ACYP2: variants seen among roughly 807,000 people sequenced by gnomAD.
ACYP2 encodes acylphosphatase-2.
In ACYP2, 12 loss-of-function variants were observed where a neutral mutation model predicts 11.2. The ratio of observed to expected loss-of-function variants is 1.08; its 90% CI spans 0.69 to 1.74. The LOEUF is 1.74. ACYP2 is among the 40% of genes most tolerant of loss of function. The pLI is 0.00. For missense variants in ACYP2, 134 were observed against 101.9 expected, an observed-to-expected ratio of 1.31 and a Z score of -1.35; for synonymous variants, 43 against 32.2, an observed-to-expected ratio of 1.33 and a Z score of -1.13.
intron 3 of ACYP2, among the ~76,000 whole-genome samples, chr2:54,056,648 T>C (rs892731843): frequency 6.6e-6 from 1 of 152,208 alleles, no homozygotes; most frequent in African/African-American, 2.4e-5. Context: ...GATAGTTCTG[T>C]TTTCAAATTA....
At chr2:54,153,836 G>T (rs374796354) in intron 6 of ACYP2, among the ~76,000 whole-genome samples, 2 of 152,006 alleles carry the variant, frequency 1.3e-5, no homozygotes, top group South Asian at 4.1e-4. Context: ...TCCTGACCTC[G>T]TGATCTGCCT....
At chr2:54,216,926 G>A (rs559556040) in intron 6 of ACYP2, among the ~76,000 whole-genome samples, 2 of 152,256 alleles carry the variant, frequency 1.3e-5, no homozygotes, top group South Asian at 2.1e-4. Flanking sequence ...TATTGTAAGT[G>A]GAAGCCCTTT....
intron 3 of ACYP2, chr2:54,051,654 T>A: frequency 1.4e-6 from 1 of 728,642 alleles, no homozygotes. Context: ...GCTGCGAAGT[T>A]GAAGGAAAAA....
intron 6 of ACYP2, among the ~76,000 whole-genome samples, chr2:54,165,382 G>A (rs757620354): frequency 1.3e-5 from 2 of 152,088 alleles, no homozygotes; most frequent in Non-Finnish European, 2.9e-5. Context: ...TTCATTGTTA[G>A]TTAGTACTTT....
At chr2:54,063,783 A>T (rs570089495) in intron 4 of ACYP2, among the ~76,000 whole-genome samples, 1 of 152,032 alleles carries the variant, frequency 6.6e-6, no homozygotes, top group Non-Finnish European at 1.5e-5. Flanking sequence ...GAACTCACCC[A>T]TGGGTGTGCC....
At chr2:54,001,992 A>G (rs1672825872) in intron 2 of ACYP2, among the ~76,000 whole-genome samples, 1 of 152,222 alleles carries the variant, frequency 6.6e-6, no homozygotes, top group South Asian at 2.1e-4. Flanking sequence ...CTATTAATGA[A>G]CCTACATTGA....
At chr2:54,046,981 A>G (rs1162193348) in intron 2 of ACYP2, among the ~76,000 whole-genome samples, 1 of 152,170 alleles carries the variant, frequency 6.6e-6, no homozygotes, top group African/African-American at 2.4e-5. Context: ...GATAGTGTCT[A>G]CCTCATAAGG....
In ACYP2 at chr2:54,284,348, A is replaced by G. The variant is rs549979879; in HGVS notation, c.405-20340A>G. ...CAACATACAGCCCCAGGCATCCACT[A>G]CCAGTCTATCTGAGGTGGCCCTCAA... is the stretch of plus-strand genomic sequence containing the variant. On this transcript the variant is annotated intron_variant, in intron 6 of 6. Transcript: ENST00000607452. Among the ~76,000 whole-genome samples the G allele has an allele frequency of 1.1e-3, 170 of 152,110 alleles. No homozygotes were observed. The Middle Eastern group carries it at 0.027, about 25-fold the overall frequency.
chr2:54,001,126 A>G (rs1672773479), intron 2 of ACYP2, among the ~76,000 whole-genome samples: 1 of 152,148 alleles, frequency 6.6e-6, no homozygotes, highest in Non-Finnish European at 1.5e-5. Flanking sequence ...AGGCTGAGGC[A>G]GGAGGATTGA....
At chr2:54,206,521 A>G (rs1685075322) in intron 6 of ACYP2, among the ~76,000 whole-genome samples, 1 of 152,200 alleles carries the variant, frequency 6.6e-6, no homozygotes, top group East Asian at 1.9e-4. Flanking sequence ...CGATATCTCT[A>G]TTGTGTTTGA....
At chr2:54,115,897 C>CG in intron 4 of ACYP2, 141 bp downstream of exon 1, 4 of 1,139,542 alleles carry the variant, frequency 3.5e-6, no homozygotes, top group Middle Eastern at 2.4e-4. Context: ...GCAGCGGCGG[C>CG]GGGGAGGGAG....
At chr2:54,265,551 G>A (rs1038172051) in intron 6 of ACYP2, among the ~76,000 whole-genome samples, 1 of 152,208 alleles carries the variant, frequency 6.6e-6, no homozygotes, top group African/African-American at 2.4e-5. Flanking sequence ...GAATACCAAG[G>A]AGAAAGGGGA....
At chr2:54,217,350 C>T (rs1191094314) in intron 6 of ACYP2, among the ~76,000 whole-genome samples, 1 of 152,112 alleles carries the variant, frequency 6.6e-6, no homozygotes, top group Non-Finnish European at 1.5e-5. Context: ...TTTTGGACAG[C>T]ACAGCTCTAG....
In ACYP2 at chr2:54,255,471, C is replaced by G. The variant is rs761907875; in HGVS notation, c.405-49217C>G. ...ATTCATGAATCTGCCCAAACCTGCG[C>G]TCCACCTGCAGGAGCGCCCTGTCAG... On this transcript the variant is annotated intron_variant, in intron 6 of 6. Coordinates refer to ENST00000607452, the MANE Select transcript of ACYP2 (RefSeq NM_001320586.2). The G allele has an allele frequency of 5.6e-6, 9 of 1,614,072 alleles. No homozygotes were observed. In the Admixed American group the frequency reaches 1.5e-4, roughly 27 times the overall value.
chr2:54,254,836 GCATA>G, intron 6 of ACYP2: 5 of 1,356,400 alleles, frequency 3.7e-6, no homozygotes, highest in Non-Finnish European at 4.0e-6. Context: ...AAAGTAAAGG[GCATA>G]CCTAATGCTG....
At chr2:54,202,149 C>T (rs1318422688) in intron 6 of ACYP2, among the ~76,000 whole-genome samples, 1 of 152,170 alleles carries the variant, frequency 6.6e-6, no homozygotes, top group Admixed American at 6.5e-5. Context: ...TCCAGTCACC[C>T]AGGCTGGTGC....
chr2:54,148,619 G>T (rs534381884), intron 6 of ACYP2, among the ~76,000 whole-genome samples: 2 of 152,080 alleles, frequency 1.3e-5, no homozygotes, highest in Non-Finnish European at 2.9e-5. Context: ...AAATTAATTT[G>T]GTTGTCATCA....
chr2:54,219,401 A>G (rs978333926), intron 6 of ACYP2, among the ~76,000 whole-genome samples: 1 of 152,214 alleles, frequency 6.6e-6, no homozygotes, highest in African/African-American at 2.4e-5. Flanking sequence ...AGTTGAGACA[A>G]CATAATGGAG....
chr2:54,176,861 A>T (rs1194465501), intron 6 of ACYP2, among the ~76,000 whole-genome samples: 1 of 152,194 alleles, frequency 6.6e-6, no homozygotes, highest in East Asian at 1.9e-4. Context: ...CTGAAGGGCC[A>T]TCCTAGCTCT....
Sources: gnomAD v4.1 joint callset for allele counts (sites outside exome capture counted in the v4.1 genomes callset) on GRCh38, gnomAD v4.1.1 for gene constraint, MANE v1.5 for transcripts, NCBI Gene and HGNC (gene_info 2026-07-23, HGNC 2026-07-21) for gene names.